TBC1D1: variants seen among roughly 807,000 people sequenced by gnomAD.
The protein encoded by TBC1D1 is TBC1 (tre-2/USP6, BUB2, cdc16) domain family, member 1.
Under a neutral mutation model 125.6 loss-of-function variants are expected in TBC1D1, and 89 were observed. That is an observed-to-expected ratio of 0.71 (90% confidence interval 0.60 to 0.85). The LOEUF is 0.85. Ranked by LOEUF, TBC1D1 falls within the 40% of genes least tolerant of loss-of-function variation. The pLI is 0.00. For synonymous variants in TBC1D1, 565 were observed against 564.1 expected (o/e 1.00, Z -0.02); for missense variants, 1,377 against 1,469.2 (o/e 0.94, Z 1.03).
chr4:38,023,873 A>G (rs1744563664), intron 6 of TBC1D1, among the ~76,000 whole-genome samples: 1 of 152,108 alleles, frequency 6.6e-6, no homozygotes, highest in Non-Finnish European at 1.5e-5. Flanking sequence ...TTTATGTTTA[A>G]TTTTTTTGAG....
chr4:38,098,401 T>C (rs1037902142), intron 14 of TBC1D1, among the ~76,000 whole-genome samples: 1 of 152,198 alleles, frequency 6.6e-6, no homozygotes, highest in African/African-American at 2.4e-5. Context: ...TTCCAAATAT[T>C]TGAGCTTCTT....
intron 1 of TBC1D1, among the ~76,000 whole-genome samples, chr4:37,900,119 T>TG (rs1223299155): frequency 8.4e-6 from 1 of 118,502 alleles, no homozygotes; most frequent in African/African-American, 3.9e-5. Flanking sequence ...AGGAGCCGTC[T>TG]CAAAAAAAAA....
chr4:37,991,693 T>C (rs4832978), intron 2 of TBC1D1, among the ~76,000 whole-genome samples: 104,193 of 151,394 alleles, frequency 0.69, 36,496 homozygotes, highest in East Asian at 0.93. Flanking sequence ...AATTTTACAC[T>C]GGACGATTTT....
At chr4:37,892,346 T>C (rs979907431) in intron 1 of TBC1D1, among the ~76,000 whole-genome samples, 1 of 151,832 alleles carries the variant, frequency 6.6e-6, no homozygotes, top group African/African-American at 2.4e-5. Flanking sequence ...AGCCCAGGAG[T>C]TCGAGGCCAT....
rs1402104525 is a variant in TBC1D1 at position 37,961,093 on chromosome 4, ATTTG to A, written c.418-53412_418-53409del. 6 of 1,549,910 alleles carry A rather than the reference ATTTG, an allele frequency of 3.9e-6. No individual in the cohort carries two copies. In the Admixed American group the frequency reaches 6.8e-5, roughly 17 times the overall value. ...TGTGTACTTGTATTAATAAAGCATTATTTGTTTAACAACATAATAAATACATAAA... is the reference window on the plus strand; with the variant it reads ...TGTGTACTTGTATTAATAAAGCATTATTTAACAACATAATAAATACATAAA... On this transcript the variant is annotated intron_variant, in intron 2 of 19. Coordinates refer to ENST00000261439, the MANE Select transcript of TBC1D1 (RefSeq NM_015173.4).
intron 19 of TBC1D1, among the ~76,000 whole-genome samples, chr4:38,133,684 C>T (rs1184526784): frequency 6.6e-6 from 1 of 152,186 alleles, no homozygotes; most frequent in Non-Finnish European, 1.5e-5. Context: ...TATAACAAAC[C>T]AGAAGAGATG....
chr4:37,948,780 T>A (rs1452665077), intron 2 of TBC1D1, among the ~76,000 whole-genome samples: 1 of 152,190 alleles, frequency 6.6e-6, no homozygotes, highest in Non-Finnish European at 1.5e-5. Context: ...CCCGTCTTCC[T>A]CCCTTACTTC....
intron 2 of TBC1D1, 29 bp downstream of exon 2, chr4:37,902,541 A>G (rs767724997): frequency 6.5e-7 from 1 of 1,543,290 alleles, no homozygotes; most frequent in Non-Finnish European, 8.7e-7. Context: ...CAAAAGACTA[A>G]GGTGTGGCTG....
chr4:37,996,277 T>TA (rs1737778005), intron 2 of TBC1D1: 1 of 250,476 alleles, frequency 4.0e-6, no homozygotes. Flanking sequence ...GCCTGACTGT[T>TA]ATAAATATAT....
rs748028971 is a variant in TBC1D1 at position 38,021,578 on chromosome 4, T to C, written c.1078-8T>C. The C allele has an allele frequency of 2.6e-6, 4 of 1,518,820 alleles. No individual in the cohort carries two copies. The Admixed American group carries it at 9.2e-5, about 35-fold the overall frequency. 94.1% of individuals were successfully genotyped at this position (1,518,820 alleles called of 1,614,324 possible). A position where few individuals can be genotyped will look rare whatever the true frequency, so the allele number is the denominator to read the frequency against. ...TTGGTGACTACAACTTCTCTTCTCTTTGATTAGGTTGATGAAATTATGATG... is the reference window on the plus strand; with the variant it reads ...TTGGTGACTACAACTTCTCTTCTCTCTGATTAGGTTGATGAAATTATGATG... On this transcript the variant is annotated splice_polypyrimidine_tract_variant and splice_region_variant and intron_variant, in intron 5 of 19. Transcript: ENST00000261439.
At chr4:38,046,512 A>G (rs1749511845) in intron 10 of TBC1D1, among the ~76,000 whole-genome samples, 1 of 152,142 alleles carries the variant, frequency 6.6e-6, no homozygotes, top group Admixed American at 6.5e-5. Context: ...ATTTGGGGGT[A>G]CATGTGCATG....
Position 38,018,387 on chromosome 4 carries a change from G to A in TBC1D1, c.916G>A (p.Asp306Asn), listed in dbSNP as rs763007518. Residue 306 changes from aspartate to asparagine, a missense_variant, in exon 4 of 20, where the codon GAC (aspartate) becomes AAC (asparagine). Asp to Asn is a conservative substitution (Grantham distance 23). Around this residue, in one of 3 missense-constraint regions of TBC1D1, gnomAD observed 822 missense variants for 824.6 expected, o/e 1.00. Coordinates refer to ENST00000261439, the MANE Select transcript of TBC1D1 (RefSeq NM_015173.4). ...GTCTGAAGTTTACCTCATCAGTCCT[G>A]ACACCAAAAAAATAGCATTGGAGAA... The A allele has an allele frequency of 7.4e-6, 12 of 1,611,806 alleles. No homozygotes were observed. Among genetic ancestry groups the A allele is most frequent in the Admixed American group, 6.7e-5 (4 of 59,546 alleles).
At chr4:38,087,150 T>C (rs944703909) in intron 12 of TBC1D1, among the ~76,000 whole-genome samples, 1 of 152,178 alleles carries the variant, frequency 6.6e-6, no homozygotes, top group Non-Finnish European at 1.5e-5. Flanking sequence ...CTAGTGATAA[T>C]AAGAAAAAGA....
intron 2 of TBC1D1, among the ~76,000 whole-genome samples, chr4:37,987,292 C>CTT (rs1025328787): frequency 2.7e-5 from 4 of 145,462 alleles, no homozygotes; most frequent in South Asian, 2.2e-4. Flanking sequence ...CCTCCTTCCA[C>CTT]TTTTTTTTTT....
chr4:38,093,698 AG>A (rs371560795), intron 13 of TBC1D1, among the ~76,000 whole-genome samples: 1 of 142,262 alleles, frequency 7.0e-6, no homozygotes. Flanking sequence ...TTTTATTATT[AG>A]TAGTAGTAGT....
At chr4:38,114,958 A>G (rs930854134) in intron 15 of TBC1D1, among the ~76,000 whole-genome samples, 13 of 152,186 alleles carry the variant, frequency 8.5e-5, no homozygotes, top group African/African-American at 2.9e-4. Flanking sequence ...GAGTGCTTGT[A>G]GTAAGGCGAG....
At chr4:38,063,356 G>A (rs1753103605) in intron 12 of TBC1D1, among the ~76,000 whole-genome samples, 2 of 151,576 alleles carry the variant, frequency 1.3e-5, no homozygotes, top group South Asian at 2.1e-4. Context: ...TACACCCTGG[G>A]GGCCTATTTG....
chr4:38,053,081 ACT>A (rs1046450280), intron 11 of TBC1D1, 23 bp from the exon 13 acceptor site: 3 of 1,381,378 alleles, frequency 2.2e-6, no homozygotes, highest in Non-Finnish European at 2.8e-6. Context: ...TTTATCCTAA[ACT>A]CTTTTTTCAA....
At chr4:38,010,699 C>T (rs1381113747) in intron 2 of TBC1D1, among the ~76,000 whole-genome samples, 2 of 152,242 alleles carry the variant, frequency 1.3e-5, no homozygotes, top group Non-Finnish European at 2.9e-5. Flanking sequence ...ATCCAGGTCA[C>T]CACCAAATCC....
Sources: allele counts gnomAD v4.1 joint callset (sites outside exome capture counted in the v4.1 genomes callset), GRCh38; gene constraint gnomAD v4.1.1; regional missense constraint gnomAD v4.1.1; transcripts MANE v1.5; gene names NCBI Gene and HGNC (gene_info 2026-07-23, HGNC 2026-07-21).